Variants in LRTM1 observed in about 807,000 individuals in gnomAD.
The protein encoded by LRTM1 is leucine rich repeat transmembrane protein 1, also known as leucine-rich repeat and transmembrane domain-containing protein 1.
Under a neutral mutation model 32.4 loss-of-function variants are expected in LRTM1, and 38 were observed. That is an observed-to-expected ratio of 1.17 (90% CI 0.91 to 1.54). LRTM1 has a LOEUF of 1.54. LRTM1 is among the 40% of genes most tolerant of loss of function. The pLI, the probability that LRTM1 is intolerant of heterozygous loss-of-function variation, is 0.00. For missense variants in LRTM1, 466 were observed against 415.4 expected, an observed-to-expected ratio of 1.12 and a Z score of -1.06; for synonymous variants, 186 against 169.9, an observed-to-expected ratio of 1.09 and a Z score of -0.74.
intron 1 of LRTM1, among the ~76,000 whole-genome samples, chr3:54,941,745 T>G (rs1425618919): frequency 1.3e-5 from 2 of 152,192 alleles, no homozygotes; most frequent in Non-Finnish European, 2.9e-5. Flanking sequence ...AGGGTTCGCA[T>G]GGATGTCTTT....
chr3:54,936,888 G>T (rs1362710995), intron 1 of LRTM1, among the ~76,000 whole-genome samples: 2 of 152,136 alleles, frequency 1.3e-5, no homozygotes, highest in Non-Finnish European at 2.9e-5. Context: ...TCTAATGAGG[G>T]CTGAGGAGAA....
chr3:54,919,363 C>G (rs1216890356), intron 2 of LRTM1, among the ~76,000 whole-genome samples: 1 of 152,150 alleles, frequency 6.6e-6, no homozygotes, highest in Non-Finnish European at 1.5e-5. Flanking sequence ...TACAAAGATC[C>G]TGTGTGTCTC....
At chr3:54,952,861 G>C (rs1358168320) in intron 1 of LRTM1, among the ~76,000 whole-genome samples, 1 of 152,192 alleles carries the variant, frequency 6.6e-6, no homozygotes, top group Admixed American at 6.5e-5. Flanking sequence ...ATTCAGCAGA[G>C]TTGGGAATGT....
chr3:54,944,628 A>G (rs530002308), intron 1 of LRTM1, among the ~76,000 whole-genome samples: 145 of 151,980 alleles, frequency 9.5e-4, no homozygotes, highest in Non-Finnish European at 1.9e-3. Flanking sequence ...TCACCGTGTT[A>G]GCCAGGATGG....
At chr3:54,952,802 G>C (rs1416880629) in intron 1 of LRTM1, among the ~76,000 whole-genome samples, 2 of 152,132 alleles carry the variant, frequency 1.3e-5, no homozygotes, top group African/African-American at 4.8e-5. Context: ...GAGGGACAAT[G>C]ACAATATCTA....
chr3:54,928,702 A>G (rs1424181567), upstream of LRTM1, among the ~76,000 whole-genome samples: 2 of 147,946 alleles, frequency 1.4e-5, no homozygotes, highest in Non-Finnish European at 3.0e-5. Flanking sequence ...CTGCCCCCAC[A>G]CCCCACCCAC....
upstream of LRTM1, among the ~76,000 whole-genome samples, chr3:54,930,960 A>G (rs572469735): frequency 5.9e-5 from 9 of 152,204 alleles, 1 homozygote; most frequent in African/African-American, 2.2e-4. Flanking sequence ...GCTGGGCGTG[A>G]TGGTGGCCTT....
intron 1 of LRTM1, among the ~76,000 whole-genome samples, chr3:54,941,945 T>C (rs1357477421): frequency 1.3e-5 from 2 of 152,220 alleles, no homozygotes; most frequent in Non-Finnish European, 2.9e-5. Context: ...GAAATGGCAA[T>C]GACAGCTGCC....
intron 2 of LRTM1, 94 bp from the exon 3 acceptor site, chr3:54,918,986 A>T: frequency 2.1e-6 from 2 of 974,342 alleles, no homozygotes; most frequent in Non-Finnish European, 1.4e-6. Context: ...GATGGAATTT[A>T]TGAAGTACCT....
intron 1 of LRTM1, among the ~76,000 whole-genome samples, chr3:54,964,625 A>C (rs1342296255): frequency 6.6e-6 from 1 of 152,190 alleles, no homozygotes; most frequent in Non-Finnish European, 1.5e-5. Context: ...TCACTGAAGT[A>C]GTCGTGTTTT....
Position 54,918,355 on chromosome 3 carries a change from TGTCTTTTG to T in LRTM1, c.*96_*103del. ...TTCTTTTTTTTTTTTTTTTTTTTTT[TGTCTTTTG>T]GCAAAAGCAAAATCAGACTAACAGG... is the stretch of plus-strand genomic sequence containing the variant. On this transcript the variant is annotated 3_prime_UTR_variant, in exon 3 of 3. Coordinates refer to ENST00000273286, the MANE Select transcript of LRTM1 (RefSeq NM_020678.4). 1 of 310,702 alleles carries T rather than the reference TGTCTTTTG, an allele frequency of 3.2e-6. No homozygotes were observed. Among genetic ancestry groups the T allele is most frequent in the Admixed American group, 5.7e-5 (1 of 17,438 alleles). The allele number at this position is 310,702 out of a possible 1,614,324, so 19.2% of individuals were successfully genotyped here.
At chr3:54,954,533 G>C (rs1032127552) in intron 1 of LRTM1, among the ~76,000 whole-genome samples, 9 of 152,202 alleles carry the variant, frequency 5.9e-5, no homozygotes, top group African/African-American at 2.2e-4. Flanking sequence ...GGGTCTACCA[G>C]CCCTTCGGCT....
intron 1 of LRTM1, among the ~76,000 whole-genome samples, chr3:54,947,161 T>C (rs1456462527): frequency 3.9e-5 from 6 of 152,182 alleles, no homozygotes; most frequent in Non-Finnish European, 7.3e-5. Context: ...ATCATCATAA[T>C]CTTAAAGACT....
At chr3:54,958,409 A>G (rs1701954056) in intron 1 of LRTM1, among the ~76,000 whole-genome samples, 1 of 152,074 alleles carries the variant, frequency 6.6e-6, no homozygotes, top group Non-Finnish European at 1.5e-5. Flanking sequence ...TTTAAAGAGT[A>G]TTTTTAGGTC....
chr3:54,932,375 A>C (rs1701211470), upstream of LRTM1, among the ~76,000 whole-genome samples: 1 of 152,110 alleles, frequency 6.6e-6, no homozygotes, highest in Non-Finnish European at 1.5e-5. Flanking sequence ...CTGAAAATGG[A>C]ATAAGTGGGA....
chr3:54,918,375 A>G lies in LRTM1; in HGVS notation c.*84T>C, dbSNP rs1190595878. ...TTTTTTGTCTTTTGGCAAAAGCAAA[A>G]TCAGACTAACAGGAAACACATCAGC... On this transcript the variant is annotated 3_prime_UTR_variant, in exon 3 of 3. Coordinates refer to ENST00000273286, the MANE Select transcript of LRTM1 (RefSeq NM_020678.4). 1.0e-6 allele frequency: 1 copy of G among 993,934 alleles called. No individual in the cohort carries two copies. Among genetic ancestry groups the G allele is most frequent in the Non-Finnish European group, 1.3e-6 (1 of 740,764 alleles). The allele number at this position is 993,934 out of a possible 1,614,324, so 61.6% of individuals were successfully genotyped here.
In LRTM1 at chr3:54,918,498, C is replaced by A; in HGVS notation, c.999G>T (p.Lys333Asn). Residue 333 changes from lysine (K) to asparagine (N), a missense_variant, in exon 3 of 3, where the codon AAG becomes AAT. Coordinates refer to ENST00000273286, the MANE Select transcript of LRTM1 (RefSeq NM_020678.4). ...TGTCAAATCGCTCTTTTTCTTCCACCTTCCCAGGATCATTGGTTTGAGCCA... is the reference window on the plus strand; with the variant it reads ...TGTCAAATCGCTCTTTTTCTTCCACATTCCCAGGATCATTGGTTTGAGCCA... ...GPLAQTNDPG[K>N]VEEKERFDSS... 1.2e-6 allele frequency: 2 copies of A among 1,613,962 alleles called. No homozygotes were observed. Among genetic ancestry groups the A allele is most frequent in the Non-Finnish European group, 1.7e-6 (2 of 1,179,940 alleles).
At chr3:54,918,945 C>T in intron 2 of LRTM1, 53 bp from the exon 3 acceptor site, 2 of 1,401,890 alleles carry the variant, frequency 1.4e-6, no homozygotes, top group Non-Finnish European at 1.9e-6. Context: ...CAACAGAGTT[C>T]CAAAATCCTC....
intron 1 of LRTM1, among the ~76,000 whole-genome samples, chr3:54,955,241 G>C (rs536912489): frequency 6.6e-6 from 1 of 152,256 alleles, no homozygotes; most frequent in East Asian, 1.9e-4. Context: ...CAGACATTAG[G>C]GAAGGTGAGG....
Sources: gnomAD v4.1 joint callset for allele counts (sites outside exome capture counted in the v4.1 genomes callset) on GRCh38, gnomAD v4.1.1 for gene constraint, MANE v1.5 for transcripts, NCBI Gene and HGNC (gene_info 2026-07-23, HGNC 2026-07-21) for gene names.